The following YTHDF2 variants were observed in gnomAD, a reference collection of about 807,000 sequenced individuals.
YTHDF2 encodes YTH N6-methyladenosine RNA binding protein F2, also known as YTH domain-containing family protein 2.
A neutral mutation model predicts 50.4 loss-of-function variants in YTHDF2; 2 were observed. The observed-to-expected ratio is 0.04, with a 90% CI of 0.02 to 0.12. The LOEUF (loss-of-function observed/expected upper bound fraction) is 0.12. Among genes scored for constraint, YTHDF2 ranks in the 10% least tolerant of loss-of-function variants. The pLI, the probability that YTHDF2 is intolerant of heterozygous loss-of-function variation, is 1.00. For synonymous variants in YTHDF2, 217 were observed against 255.6 expected (o/e 0.85, Z 1.44); for missense variants, 483 against 722.6 (o/e 0.67, Z 3.80).
intron 4 of YTHDF2, among the ~76,000 whole-genome samples, chr1:28,765,612 T>TTTGTTG (rs749321426): frequency 1.4e-4 from 21 of 151,478 alleles, no homozygotes; most frequent in East Asian, 3.9e-4. Flanking sequence ...CTAAGTTAAA[T>TTTGTTG]TTGTTGTTGT....
chr1:28,745,786 T>C (rs1484151874), intron 4 of YTHDF2, among the ~76,000 whole-genome samples: 1 of 126,122 alleles, frequency 7.9e-6, no homozygotes, highest in East Asian at 2.6e-4. Context: ...ACACCTGTAA[T>C]CCCAACACTT....
chr1:28,768,086 A>G (rs2088246226), intron 4 of YTHDF2, among the ~76,000 whole-genome samples: 1 of 151,776 alleles, frequency 6.6e-6, no homozygotes, highest in African/African-American at 2.4e-5. Flanking sequence ...CTGTAATCCC[A>G]GCTACTCAGG....
At chr1:28,757,948 T>C (rs1192950317) in intron 4 of YTHDF2, among the ~76,000 whole-genome samples, 1 of 152,170 alleles carries the variant, frequency 6.6e-6, no homozygotes, top group African/African-American at 2.4e-5. Flanking sequence ...CTCAATCTCT[T>C]GTAATAATCC....
intron 4 of YTHDF2, among the ~76,000 whole-genome samples, chr1:28,747,082 CA>C (rs149089494): frequency 0.09 from 13,493 of 149,308 alleles, 826 homozygotes; most frequent in Non-Finnish European, 0.13. Flanking sequence ...AACTCTGTCT[CA>C]AAAAAAAAAT....
At chr1:28,740,001 C>G (rs1017452183) in intron 3 of YTHDF2, among the ~76,000 whole-genome samples, 2 of 152,122 alleles carry the variant, frequency 1.3e-5, no homozygotes, top group African/African-American at 4.8e-5. Context: ...GTTGGTAGTC[C>G]TGAATAACTG....
rs933570794 is a variant in YTHDF2, at chr1:28,769,656, T to C, written c.*704T>C. On this transcript the variant is annotated 3_prime_UTR_variant, in exon 5 of 5. Coordinates refer to ENST00000373812, the MANE Select transcript of YTHDF2 (RefSeq NM_016258.3). ...AGAAATGCATTTTGGAAGAGAAAAA[T>C]ACTGTAAAACGTGTCGTGAATGTTT... 1 of 152,610 alleles carries C rather than the reference T, an allele frequency of 6.6e-6. No homozygotes were observed. Among genetic ancestry groups the C allele is most frequent in the East Asian group, 1.9e-4 (1 of 5,196 alleles). The allele number at this position is 152,610 out of a possible 1,614,324, so 9.5% of individuals were successfully genotyped here.
At chr1:28,759,652 AAC>A (rs780645566) in intron 4 of YTHDF2, among the ~76,000 whole-genome samples, 1 of 152,312 alleles carries the variant, frequency 6.6e-6, no homozygotes, top group South Asian at 2.1e-4. Flanking sequence ...TGTACATTAA[AAC>A]ACAGTATAAA....
intron 3 of YTHDF2, among the ~76,000 whole-genome samples, chr1:28,742,138 C>T (rs1226499992): frequency 6.6e-6 from 1 of 151,092 alleles, no homozygotes; most frequent in East Asian, 2.0e-4. Flanking sequence ...CAACCTCCGC[C>T]TCCTGGGTTC....
At chr1:28,768,803 G>A (rs1570485778) in intron 4 of YTHDF2, 126 bp from the exon 5 acceptor site, 1 of 742,648 alleles carries the variant, frequency 1.3e-6, no homozygotes, top group East Asian at 3.0e-5. Flanking sequence ...GTTCTACTTA[G>A]AATAATTAAT....
chr1:28,769,657 A>G lies in YTHDF2; in HGVS notation c.*705A>G, dbSNP rs2088275736. ...GAAATGCATTTTGGAAGAGAAAAAT[A>G]CTGTAAAACGTGTCGTGAATGTTTC... On this transcript the variant is annotated 3_prime_UTR_variant, in exon 5 of 5. Coordinates refer to ENST00000373812, the MANE Select transcript of YTHDF2 (RefSeq NM_016258.3). The G allele has an allele frequency of 6.6e-6, 1 of 152,662 alleles. No homozygotes were observed. The highest frequency in any genetic ancestry group is 2.4e-5 in the African/African-American group (1 of 41,456). 9.5% of individuals were successfully genotyped at this position (152,662 alleles called of 1,614,324 possible). A position where few individuals can be genotyped will look rare whatever the true frequency, so the allele number is the denominator to read the frequency against.
Position 28,737,067 on chromosome 1 carries a change from C to CCGCCGCGCTGAGGAGAGTTCGCCGCCGT in YTHDF2, c.-47_-20dup. On this transcript the variant is annotated 5_prime_UTR_variant, in exon 1 of 5. Transcript: ENST00000373812. ...CGCAGACGGGGCTCATCTGCCGCCG[C>CCGCCGCGCTGAGGAGAGTTCGCCGCCGT]CGCCGCGCTGAGGAGAGTTCGCCGC... 5 of 1,562,270 alleles carry CCGCCGCGCTGAGGAGAGTTCGCCGCCGT rather than the reference C, an allele frequency of 3.2e-6. No individual in the cohort carries two copies. Among genetic ancestry groups the CCGCCGCGCTGAGGAGAGTTCGCCGCCGT allele is most frequent in the Non-Finnish European group, 4.3e-6 (5 of 1,155,358 alleles).
At chr1:28,754,747 T>A (rs1557547034) in intron 4 of YTHDF2, among the ~76,000 whole-genome samples, 1 of 151,944 alleles carries the variant, frequency 6.6e-6, no homozygotes, top group Non-Finnish European at 1.5e-5. Flanking sequence ...GCAGTTGCAG[T>A]GAGCCGAGAT....
chr1:28,762,188 C>T (rs1330715790), intron 4 of YTHDF2, among the ~76,000 whole-genome samples: 3 of 151,950 alleles, frequency 2.0e-5, no homozygotes, highest in Admixed American at 6.6e-5. Flanking sequence ...GTCAGGAGAT[C>T]GAGACCATCC....
chr1:28,738,361 A>G, intron 3 of YTHDF2, 23 bp downstream of exon 3: 1 of 1,567,200 alleles, frequency 6.4e-7, no homozygotes. Context: ...CTATTTACAT[A>G]TCTAATCGAA....
At chr1:28,764,889 G>A (rs1267733087) in intron 4 of YTHDF2, among the ~76,000 whole-genome samples, 2 of 151,674 alleles carry the variant, frequency 1.3e-5, no homozygotes, top group African/African-American at 2.4e-5. Context: ...TTTAAGATGA[G>A]GTCTCGCTAT....
chr1:28,740,712 A>AT (rs1170103903), intron 3 of YTHDF2, among the ~76,000 whole-genome samples: 1 of 151,952 alleles, frequency 6.6e-6, no homozygotes, highest in Non-Finnish European at 1.5e-5. Flanking sequence ...TTATTTATTT[A>AT]TTTATTTTTG....
chr1:28,758,957 C>G (rs2088074380), intron 4 of YTHDF2, among the ~76,000 whole-genome samples: 1 of 152,178 alleles, frequency 6.6e-6, no homozygotes, highest in African/African-American at 2.4e-5. Context: ...CTAGGTTCTA[C>G]TTACAGACTT....
chr1:28,737,015 T>G lies in YTHDF2; in HGVS notation c.-106T>G. The G allele has an allele frequency of 2.1e-6, 3 of 1,442,960 alleles. No homozygotes were observed. Among genetic ancestry groups the G allele is most frequent in the Middle Eastern group, 2.2e-4 (1 of 4,586 alleles). The allele number at this position is 1,442,960 out of a possible 1,614,324, so 89.4% of individuals were successfully genotyped here. On this transcript the variant is annotated 5_prime_UTR_variant, in exon 1 of 5. Transcript: ENST00000373812. The stretch of plus-strand genomic sequence containing the variant: ...CTGCGTCCGCCGAGGCCCCCGAGTG[T>G]CAGGGACAAAAGCCTCCGCCTGCTC...
chr1:28,763,502 C>G (rs2088165223), intron 4 of YTHDF2, among the ~76,000 whole-genome samples: 1 of 152,116 alleles, frequency 6.6e-6, no homozygotes, highest in African/African-American at 2.4e-5. Context: ...GTTGCTCAGG[C>G]TGGAGTGCAG....
Sources: allele counts gnomAD v4.1 joint callset (sites outside exome capture counted in the v4.1 genomes callset), GRCh38; gene constraint gnomAD v4.1.1; transcripts MANE v1.5; gene names NCBI Gene and HGNC (gene_info 2026-07-23, HGNC 2026-07-21).